The following SLC71A2 variants were observed in gnomAD, a reference collection of about 807,000 sequenced individuals.
SLC71A2 encodes the protein hippocampus abundant transcript-like 1.
At chr9:94,391,047 G>A in the SLC71A2 span, among the ~76,000 whole-genome samples, 21 of 151,866 alleles carry the variant, frequency 1.4e-4, no homozygotes, top group Non-Finnish European at 2.9e-4. Context: ...CAAAACCTTG[G>A]GAGAAAAGAG....
chr9:94,383,375 C>T, the SLC71A2 span, among the ~76,000 whole-genome samples: 1 of 151,848 alleles, frequency 6.6e-6, no homozygotes, highest in Admixed American at 6.6e-5. Context: ...GTTGGCCAGG[C>T]TGGTCTCGAA....
At chr9:94,430,222 AAT>A in the SLC71A2 span, among the ~76,000 whole-genome samples, 4 of 110,772 alleles carry the variant, frequency 3.6e-5, no homozygotes, top group African/African-American at 1.7e-4. Flanking sequence ...TCTTTTAAAT[AAT>A]TTTTTTTTTT....
chr9:94,449,969 G>A, the SLC71A2 span, among the ~76,000 whole-genome samples: 1 of 152,208 alleles, frequency 6.6e-6, no homozygotes, highest in African/African-American at 2.4e-5. Context: ...ACAAAGTACT[G>A]CACATTGTAT....
the SLC71A2 span, among the ~76,000 whole-genome samples, chr9:94,425,197 G>A: frequency 3.3e-5 from 5 of 152,128 alleles, no homozygotes; most frequent in African/African-American, 4.8e-5. Context: ...CCAGCTACTC[G>A]GGAGGTTGAG....
the SLC71A2 span, among the ~76,000 whole-genome samples, chr9:94,384,804 C>G: frequency 6.6e-6 from 1 of 151,864 alleles, no homozygotes; most frequent in African/African-American, 2.4e-5. Context: ...ACTGTCAGGG[C>G]TATTGAAGAA....
the SLC71A2 span, among the ~76,000 whole-genome samples, chr9:94,438,787 G>T: frequency 1.3e-5 from 2 of 152,136 alleles, no homozygotes; most frequent in Non-Finnish European, 2.9e-5. Context: ...GCCTCTTCAG[G>T]CAGCTGATGT....
the SLC71A2 span, among the ~76,000 whole-genome samples, chr9:94,447,528 T>G: frequency 1.3e-5 from 2 of 151,380 alleles, no homozygotes; most frequent in African/African-American, 4.9e-5. Flanking sequence ...TAGAACAGTT[T>G]TAGGTTCACA....
the SLC71A2 span, among the ~76,000 whole-genome samples, chr9:94,442,043 A>G: frequency 1.1e-4 from 17 of 152,236 alleles, no homozygotes; most frequent in African/African-American, 3.6e-4. Flanking sequence ...ACATGGAAGT[A>G]TGCTTGGTAC....
At chr9:94,452,311 T>C in the SLC71A2 span, among the ~76,000 whole-genome samples, 1 of 152,070 alleles carries the variant, frequency 6.6e-6, no homozygotes, top group South Asian at 2.1e-4. Flanking sequence ...ACATATTCAG[T>C]GAGGGCCAGA....
the SLC71A2 span, among the ~76,000 whole-genome samples, chr9:94,400,074 G>A: frequency 6.6e-6 from 1 of 152,052 alleles, no homozygotes; most frequent in African/African-American, 2.4e-5. Context: ...GCCTCCCAAA[G>A]TTCTGGGATT....
the SLC71A2 span, among the ~76,000 whole-genome samples, chr9:94,378,313 G>C: frequency 4.6e-5 from 7 of 152,044 alleles, no homozygotes; most frequent in African/African-American, 1.7e-4. Context: ...CGAAGGGGAA[G>C]CAGCTTATCA....
chr9:94,405,375 G>T, the SLC71A2 span, among the ~76,000 whole-genome samples: 3 of 151,838 alleles, frequency 2.0e-5, no homozygotes, highest in Non-Finnish European at 4.4e-5. Context: ...GGCGCCTGTA[G>T]TCCCAGATAC....
At chr9:94,415,174 G>A in the SLC71A2 span, 68 of 1,613,400 alleles carry the variant, frequency 4.2e-5, 1 homozygote, top group Middle Eastern at 1.6e-4. Context: ...GGCTTTGGCC[G>A]ACCAAGTGTG....
the SLC71A2 span, among the ~76,000 whole-genome samples, chr9:94,389,798 G>A: frequency 2.0e-5 from 3 of 151,026 alleles, no homozygotes; most frequent in Non-Finnish European, 4.4e-5. Flanking sequence ...TGCAGAGATG[G>A]GGTCTCACTA....
At chr9:94,400,253 A>G in the SLC71A2 span, among the ~76,000 whole-genome samples, 7 of 152,224 alleles carry the variant, frequency 4.6e-5, no homozygotes, top group African/African-American at 1.4e-4. Context: ...GAAAACAGCA[A>G]TTAGGAAAAG....
chr9:94,457,601 A>C, the SLC71A2 span, among the ~76,000 whole-genome samples: 1 of 152,206 alleles, frequency 6.6e-6, no homozygotes, highest in Non-Finnish European at 1.5e-5. Flanking sequence ...TCTGAAGTGA[A>C]GATGTGATGA....
the SLC71A2 span, chr9:94,459,590 AC>A: frequency 1.1e-5 from 6 of 564,282 alleles, no homozygotes; most frequent in East Asian, 1.4e-4. Flanking sequence ...TTTTTCTCTT[AC>A]ATTCTTTTTT....
At chr9:94,405,839 G>T in the SLC71A2 span, among the ~76,000 whole-genome samples, 1 of 151,072 alleles carries the variant, frequency 6.6e-6, no homozygotes. Context: ...AGCATCATTG[G>T]GATTTTGATA....
At chr9:94,429,439 G>T in the SLC71A2 span, among the ~76,000 whole-genome samples, 2 of 151,956 alleles carry the variant, frequency 1.3e-5, no homozygotes. Context: ...GCATAGAATG[G>T]TTTACTGGCA....
Sources: gnomAD v4.1 joint callset for allele counts (sites outside exome capture counted in the v4.1 genomes callset) on GRCh38, gnomAD v4.1.1 for gene constraint, MANE v1.5 for transcripts, NCBI Gene and HGNC (gene_info 2026-07-23, HGNC 2026-07-21) for gene names.